CSMD1: variants seen among roughly 807,000 people sequenced by gnomAD.
The protein encoded by CSMD1 is CUB and sushi domain-containing protein 1.
Under a neutral mutation model 417.5 loss-of-function variants are expected in CSMD1, and 213 were observed. The ratio of observed to expected loss-of-function variants is 0.51; its 90% CI spans 0.46 to 0.57. The LOEUF (loss-of-function observed/expected upper bound fraction) is 0.57. CSMD1 is among the 20% of genes least tolerant of loss of function. CSMD1 has a pLI of 0.00. For missense variants in CSMD1, 6,923 were observed against 4,529.7 expected (o/e 1.53, Z -15.17); for synonymous variants, 2,862 against 1,736.8 (o/e 1.65, Z -16.11).
intron 5 of CSMD1, among the ~76,000 whole-genome samples, chr8:3,914,832 C>G (rs2930369): frequency 0.031 from 4,661 of 152,096 alleles, 238 homozygotes; most frequent in African/African-American, 0.11. Context: ...TGTCCTTATG[C>G]TAGAATGCAA....
intron 3 of CSMD1, among the ~76,000 whole-genome samples, chr8:4,237,534 C>CT (rs11433104): frequency 0.36 from 54,372 of 149,214 alleles, 11,571 homozygotes; most frequent in Non-Finnish European, 0.5. Context: ...GTCAATACTA[C>CT]TTTTTTTTTT....
At chr8:4,610,016 G>C (rs1402314151) in intron 2 of CSMD1, among the ~76,000 whole-genome samples, 1 of 150,898 alleles carries the variant, frequency 6.6e-6, no homozygotes, top group Admixed American at 6.6e-5. Context: ...ATTGCTTTGT[G>C]TCAGGGTTCA....
chr8:3,776,842 A>T (rs1313948342), intron 5 of CSMD1, among the ~76,000 whole-genome samples: 1 of 151,630 alleles, frequency 6.6e-6, no homozygotes, highest in East Asian at 1.9e-4. Flanking sequence ...CAGATCATAC[A>T]TAGAATGACA....
chr8:4,670,835 G>A (rs997990813), intron 1 of CSMD1, among the ~76,000 whole-genome samples: 1 of 152,162 alleles, frequency 6.6e-6, no homozygotes, highest in African/African-American at 2.4e-5. Flanking sequence ...TTTCTTAGAA[G>A]AGCAAAAGAA....
chr8:3,508,660 T>C (rs1308427266), intron 10 of CSMD1, among the ~76,000 whole-genome samples: 2 of 152,214 alleles, frequency 1.3e-5, no homozygotes, highest in East Asian at 1.9e-4. Flanking sequence ...GTCGGTTTTA[T>C]TGTACTTCCA....
intron 2 of CSMD1, among the ~76,000 whole-genome samples, chr8:4,551,701 C>T (rs1361520461): frequency 6.6e-6 from 1 of 152,034 alleles, no homozygotes; most frequent in East Asian, 1.9e-4. Flanking sequence ...GAGACAGGGT[C>T]TTGCTCTATC....
At chr8:4,915,993 A>G (rs1806043874) in intron 1 of CSMD1, among the ~76,000 whole-genome samples, 2 of 152,182 alleles carry the variant, frequency 1.3e-5, no homozygotes, top group South Asian at 2.1e-4. Flanking sequence ...TCCCTGGTCC[A>G]GCTTGCAAGA....
rs555636837 is a variant in CSMD1 at position 4,269,690 on chromosome 8, C to A, written c.415+150263G>T. Among the ~76,000 whole-genome samples, 4 of 152,182 alleles carry A rather than the reference C, an allele frequency of 2.6e-5. No homozygotes were observed. In the South Asian group the frequency reaches 8.3e-4, roughly 32 times the overall value. On this transcript the variant is annotated intron_variant, in intron 3 of 69. Transcript: ENST00000635120. ...CAAAATAAAATTTTTTGTTTCTTTG[C>A]AGTTTATCAATTAACCAGCATCTGT...
intron 21 of CSMD1, among the ~76,000 whole-genome samples, chr8:3,358,685 A>G (rs1808960469): frequency 6.6e-6 from 1 of 152,160 alleles, no homozygotes; most frequent in Non-Finnish European, 1.5e-5. Context: ...ACTTAGCAGG[A>G]GTGTGCAACC....
chr8:4,180,091 G>C (rs527901219), intron 3 of CSMD1, among the ~76,000 whole-genome samples: 121 of 152,196 alleles, frequency 8.0e-4, no homozygotes, highest in Middle Eastern at 3.4e-3. Context: ...TATACCCAAA[G>C]ACTATAAATC....
chr8:3,265,664 G>A (rs571909126), intron 26 of CSMD1, among the ~76,000 whole-genome samples: 28 of 152,314 alleles, frequency 1.8e-4, no homozygotes, highest in Non-Finnish European at 3.1e-4. Context: ...ACATGAGGTC[G>A]TGCTAGGATT....
At chr8:4,605,128 T>C (rs1800799342) in intron 2 of CSMD1, among the ~76,000 whole-genome samples, 1 of 152,206 alleles carries the variant, frequency 6.6e-6, no homozygotes, top group South Asian at 2.1e-4. Flanking sequence ...TCACTGAAAT[T>C]AGTATTATGT....
intron 5 of CSMD1, among the ~76,000 whole-genome samples, chr8:3,839,732 C>T (rs1271151353): frequency 6.7e-6 from 1 of 150,328 alleles, no homozygotes; most frequent in African/African-American, 2.4e-5. Flanking sequence ...AAGCACTTCG[C>T]TTGCTGTTAA....
Position 4,266,103 on chromosome 8 carries a change from A to T in CSMD1, c.415+153850T>A, listed in dbSNP as rs184525139. Reference sequence around the variant, plus strand: ...ATAGACTCACCAGGCATATTAGCTGATATTGATCATTTGGAACTGACTTAA... The same window carrying T: ...ATAGACTCACCAGGCATATTAGCTGTTATTGATCATTTGGAACTGACTTAA... On this transcript the variant is annotated intron_variant, in intron 3 of 69. Transcript: ENST00000635120. 3.2e-4 allele frequency among the ~76,000 whole-genome samples: 33 copies of T among 103,324 alleles called. 10 individuals are homozygous for T. The East Asian group carries it at 8.5e-3, about 27-fold the overall frequency. 67.8% of individuals were successfully genotyped at this position (103,324 alleles called of 152,430 possible).
At chr8:3,183,611 A>G (rs1018734682) in intron 36 of CSMD1, among the ~76,000 whole-genome samples, 66 of 150,296 alleles carry the variant, frequency 4.4e-4, no homozygotes, top group Non-Finnish European at 1.0e-4. Context: ...GTAGGTCTCT[A>G]ATGTTTCTTA....
intron 1 of CSMD1, among the ~76,000 whole-genome samples, chr8:4,961,199 G>C (rs1005203832): frequency 2.0e-5 from 3 of 152,066 alleles, no homozygotes; most frequent in Admixed American, 6.6e-5. Context: ...AGAATGCATA[G>C]TATTCTGTGT....
intron 18 of CSMD1, chr8:3,373,648 G>A (rs1263983357): frequency 1.3e-5 from 2 of 152,108 alleles, no homozygotes; most frequent in Non-Finnish European, 2.9e-5. Context: ...CATTCCCTTA[G>A]CAGAGCTACA....
At chr8:3,752,667 C>T (rs949938984) in intron 6 of CSMD1, among the ~76,000 whole-genome samples, 24 of 134,702 alleles carry the variant, frequency 1.8e-4, no homozygotes, top group African/African-American at 6.9e-4. Context: ...CCACCCACTC[C>T]CCGCCTGGCA....
intron 6 of CSMD1, among the ~76,000 whole-genome samples, chr8:3,711,652 C>A (rs1294764500): frequency 6.6e-6 from 1 of 152,176 alleles, no homozygotes; most frequent in Non-Finnish European, 1.5e-5. Flanking sequence ...GATGGGGTAT[C>A]TGCTTCCACT....
Sources: allele counts gnomAD v4.1 joint callset (sites outside exome capture counted in the v4.1 genomes callset), GRCh38; gene constraint gnomAD v4.1.1; transcripts MANE v1.5; gene names NCBI Gene and HGNC (gene_info 2026-07-23, HGNC 2026-07-21).